TRPM6: variants seen among roughly 807,000 people sequenced by gnomAD.
The protein encoded by TRPM6 is channel kinase 2.
In TRPM6, 111 loss-of-function variants were observed where a neutral mutation model predicts 247.6. That is an observed-to-expected ratio of 0.45 (90% CI 0.38 to 0.52). The LOEUF is 0.52. Among genes scored for constraint, TRPM6 ranks in the 20% least tolerant of loss-of-function variants. The pLI is 0.00. For synonymous variants in TRPM6, 892 were observed against 853.8 expected (o/e 1.04, Z -0.78); for missense variants, 2,126 against 2,421.5 (o/e 0.88, Z 2.56).
chr9:74,782,545 T>G, intron 22 of TRPM6, 69 bp from the exon 23 acceptor site: 2 of 1,446,030 alleles, frequency 1.4e-6, no homozygotes, highest in Non-Finnish European at 9.7e-7. Flanking sequence ...TAGACACACA[T>G]TTAGCACATT....
At chr9:74,784,811 C>CTA (rs1467929042) in intron 21 of TRPM6, among the ~76,000 whole-genome samples, 2 of 152,174 alleles carry the variant, frequency 1.3e-5, no homozygotes, top group Non-Finnish European at 2.9e-5. Context: ...CGCTGTGCTT[C>CTA]TATAAATAAT....
intron 36 of TRPM6, chr9:74,737,239 A>T (rs1177782701): frequency 4.3e-6 from 1 of 230,756 alleles, no homozygotes; most frequent in Non-Finnish European, 7.1e-6. Flanking sequence ...ATAAATCTGA[A>T]AGGACAGAAG....
chr9:74,755,424 G>A lies in TRPM6; in HGVS notation c.4835C>T (p.Pro1612Leu). 6.2e-7 allele frequency: 1 copy of A among 1,614,090 alleles called. No individual in the cohort carries two copies. The highest frequency in any genetic ancestry group is 1.1e-5 in the South Asian group (1 of 91,084). The stretch of plus-strand genomic sequence containing the variant: ...CTCTTCAGAGATGCTGTTTTCTCCT[G>A]GCTCTGGATTCAACTGGTCACTCTG... ...CSQSDQLNPEPGENSISEEEY... is the reference protein window; with the variant it reads ...CSQSDQLNPELGENSISEEEY... The change falls in exon 28 of 39, where the codon CCA becomes CTA. Residue 1612 changes from proline (P) to leucine (L), a missense_variant. This residue lies in a region of TRPM6 where 717 missense variants were observed against 715.9 expected (regional missense o/e 1.00). Coordinates refer to ENST00000360774, the MANE Select transcript of TRPM6 (RefSeq NM_017662.5).
In TRPM6 at chr9:74,860,932, G is replaced by A. The variant is rs188184679; in HGVS notation, c.34-2184C>T. Among the ~76,000 whole-genome samples the A allele has an allele frequency of 2.8e-3, 424 of 152,178 alleles. 2 individuals carry two copies. Among genetic ancestry groups the A allele is most frequent in the Non-Finnish European group, 5.3e-3 (358 of 67,992 alleles). On this transcript the variant is annotated intron_variant, in intron 1 of 38. Transcript: ENST00000360774. Reference sequence around the variant, plus strand: ...AGCAACCCAGAAGGCTGAGGTGGGAGGATTGCTTAAGCCCAAGGAAGTCGA... The same window carrying A: ...AGCAACCCAGAAGGCTGAGGTGGGAAGATTGCTTAAGCCCAAGGAAGTCGA...
At chr9:74,781,563 G>A (rs1408473404) in intron 23 of TRPM6, among the ~76,000 whole-genome samples, 11 of 133,926 alleles carry the variant, frequency 8.2e-5, no homozygotes, top group African/African-American at 1.4e-4. Flanking sequence ...AGAAGAAAAA[G>A]AAAGAAAGGA....
In TRPM6 at chr9:74,788,669, T is replaced by C. The variant is rs1260600110; in HGVS notation, c.2612A>G (p.Gln871Arg). The C allele has an allele frequency of 6.2e-7, 1 of 1,614,082 alleles. No individual in the cohort carries two copies. The highest frequency in any genetic ancestry group is 1.1e-5 in the South Asian group (1 of 91,082). The stretch of plus-strand genomic sequence containing the variant: ...GATGTAAATGCTAACAAGCCACTCC[T>C]GCACGCTGGGCTGGGGCTGCATCTC... ...LVEMQPQPSV[Q>R]EWLVSIYIFT... Residue 871 changes from glutamine (Q) to arginine (R), a missense_variant, in exon 20 of 39, where the codon CAG becomes CGG. Gln to Arg is a conservative substitution (Grantham distance 43). Transcript: ENST00000360774.
chr9:74,742,478 A>C, intron 33 of TRPM6, 83 bp downstream of exon 33: 1 of 1,331,726 alleles, frequency 7.5e-7, no homozygotes, highest in Non-Finnish European at 1.1e-6. Flanking sequence ...CAACTAAAAT[A>C]ATGCAATGTG....
chr9:74,884,528 CAT>C (rs1252843864), intron 1 of TRPM6, among the ~76,000 whole-genome samples: 1 of 151,926 alleles, frequency 6.6e-6, no homozygotes, highest in Non-Finnish European at 1.5e-5. Flanking sequence ...TACATACATA[CAT>C]ACATACATAC....
chr9:74,875,441 G>T (rs1831166279), intron 1 of TRPM6, among the ~76,000 whole-genome samples: 1 of 152,156 alleles, frequency 6.6e-6, no homozygotes, highest in African/African-American at 2.4e-5. Context: ...TACTCAGGAG[G>T]CTGAGGCAGG....
chr9:74,813,419 T>C (rs2117916187), intron 11 of TRPM6, among the ~76,000 whole-genome samples: 1 of 152,362 alleles, frequency 6.6e-6, no homozygotes, highest in East Asian at 1.9e-4. Flanking sequence ...GTATACATGC[T>C]GAATCCCTAA....
At position 74,771,780 on chromosome 9, in the gene TRPM6, G is replaced by A. The variant is rs757005955; in HGVS notation, c.3459C>T (p.Cys1153=). 1.6e-5 allele frequency: 26 copies of A among 1,613,012 alleles called. No individual in the cohort carries two copies. Among genetic ancestry groups the A allele is most frequent in the African/African-American group, 2.7e-5 (2 of 74,840 alleles). Residue 1153 remains cysteine (C), a synonymous_variant, in exon 25 of 39, where the codon TGC becomes TGT. Coordinates refer to ENST00000360774, the MANE Select transcript of TRPM6 (RefSeq NM_017662.5). Reference sequence around the variant, plus strand: ...TCTTCTCATGGAAGTATTTTTCCACGCACTGCTCCTCAAAATCATGAAGTT... The same window carrying A: ...TCTTCTCATGGAAGTATTTTTCCACACACTGCTCCTCAAAATCATGAAGTT... ...LKKLHDFEEQ[C]VEKYFHEKME...
intron 1 of TRPM6, among the ~76,000 whole-genome samples, chr9:74,872,250 T>C (rs1386677968): frequency 6.6e-6 from 1 of 151,350 alleles, no homozygotes; most frequent in Non-Finnish European, 1.5e-5. Context: ...CCTCCCAAAG[T>C]GCTGGAATTA....
intron 33 of TRPM6, 62 bp from the exon 34 acceptor site, chr9:74,740,071 AT>A: frequency 6.4e-7 from 1 of 1,559,050 alleles, no homozygotes; most frequent in Non-Finnish European, 8.8e-7. Flanking sequence ...CATGAATAGT[AT>A]CCTAAATATC....
intron 1 of TRPM6, among the ~76,000 whole-genome samples, chr9:74,867,402 T>C (rs1040428829): frequency 4.0e-5 from 6 of 151,854 alleles, no homozygotes; most frequent in African/African-American, 1.5e-4. Context: ...GACACTAGAG[T>C]GGAGTCTGTG....
At chr9:74,745,401 T>A (rs750612282) in intron 31 of TRPM6, among the ~76,000 whole-genome samples, 1 of 152,144 alleles carries the variant, frequency 6.6e-6, no homozygotes, top group Non-Finnish European at 1.5e-5. Context: ...CTAGTTCCAT[T>A]CTAGTAAAAG....
chr9:74,865,407 A>G (rs36122801), intron 1 of TRPM6, among the ~76,000 whole-genome samples: 51,486 of 152,096 alleles, frequency 0.34, 9,298 homozygotes, highest in East Asian at 0.5. Context: ...TGAAACATTT[A>G]TAATTTCAGA....
intron 23 of TRPM6, among the ~76,000 whole-genome samples, chr9:74,776,583 A>G (rs779036289): frequency 6.6e-6 from 1 of 152,246 alleles, no homozygotes; most frequent in Non-Finnish European, 1.5e-5. Context: ...CAGAGCTTCT[A>G]TTAAAATCCA....
chr9:74,869,762 G>C (rs887644195), intron 1 of TRPM6, among the ~76,000 whole-genome samples: 1 of 152,140 alleles, frequency 6.6e-6, no homozygotes, highest in African/African-American at 2.4e-5. Flanking sequence ...GAATGAAGAT[G>C]CAATGAGCGA....
At chr9:74,736,585 T>G (rs760756109) in intron 36 of TRPM6, among the ~76,000 whole-genome samples, 1 of 152,226 alleles carries the variant, frequency 6.6e-6, no homozygotes, top group Non-Finnish European at 1.5e-5. Flanking sequence ...TAATTACTAT[T>G]ATAGGATTCA....
Sources: allele counts gnomAD v4.1 joint callset (sites outside exome capture counted in the v4.1 genomes callset), GRCh38; gene constraint gnomAD v4.1.1; regional missense constraint gnomAD v4.1.1; transcripts MANE v1.5; gene names NCBI Gene and HGNC (gene_info 2026-07-23, HGNC 2026-07-21).